Variants in TMOD3 observed in about 807,000 individuals in gnomAD.
TMOD3 encodes the protein tropomodulin 3, also known as tropomodulin-3.
A neutral mutation model predicts 39.2 loss-of-function variants in TMOD3; 20 were observed. The observed-to-expected ratio is 0.51, with a 90% CI of 0.36 to 0.74. The LOEUF (loss-of-function observed/expected upper bound fraction) is 0.74, where lower values mean the gene tolerates loss of function less well. Among genes scored for constraint, TMOD3 ranks in the 30% least tolerant of loss-of-function variants. The pLI, the probability that TMOD3 is intolerant of heterozygous loss-of-function variation, is 0.00. For missense variants in TMOD3, 381 were observed against 412.8 expected, an observed-to-expected ratio of 0.92 and a Z score of 0.67; for synonymous variants, 143 against 145.8, an observed-to-expected ratio of 0.98 and a Z score of 0.14.
At chr15:51,861,658 T>C (rs1261101859) in intron 1 of TMOD3, among the ~76,000 whole-genome samples, 1 of 113,724 alleles carries the variant, frequency 8.8e-6, no homozygotes, top group African/African-American at 3.7e-5. Context: ...TACTAGGTAC[T>C]TTTTTTTTTT....
At chr15:51,887,876 G>C (rs538783233) in intron 4 of TMOD3, among the ~76,000 whole-genome samples, 165 bp downstream of exon 4, 23 of 152,298 alleles carry the variant, frequency 1.5e-4, no homozygotes, top group African/African-American at 5.5e-4. Flanking sequence ...CTGACGTAAA[G>C]AGTTTCATTT....
Position 51,913,369 on chromosome 15 carries a change from C to T in TMOD3, c.*4559C>T, listed in dbSNP as rs2056720420. On this transcript the variant is annotated 3_prime_UTR_variant, in exon 10 of 10. Coordinates refer to ENST00000308580, the MANE Select transcript of TMOD3 (RefSeq NM_014547.5). ...ACTAACATAGTGTTCAAAGGAAATG[C>T]TTATTGGAGCATTTAGAATTTCAGA... The T allele has an allele frequency of 6.6e-6, 1 of 152,154 alleles. No individual in the cohort carries two copies. The allele number at this position is 152,154 out of a possible 1,614,324, so 9.4% of individuals were successfully genotyped here. A position where few individuals can be genotyped will look rare whatever the true frequency, so the allele number is the denominator to read the frequency against.
In TMOD3 at chr15:51,909,571, A is replaced by G. The variant is rs182692247; in HGVS notation, c.*761A>G. On this transcript the variant is annotated 3_prime_UTR_variant, in exon 10 of 10. Coordinates refer to ENST00000308580, the MANE Select transcript of TMOD3 (RefSeq NM_014547.5). ...TTTGTGGAAGCTAATAGTAAAAAAT[A>G]AAAGCTGTTTTCACCACCTCCCTCC... 2 of 152,758 alleles carry G rather than the reference A, an allele frequency of 1.3e-5. No homozygotes were observed. Among genetic ancestry groups the G allele is most frequent in the African/African-American group, 2.4e-5 (1 of 41,578 alleles). The allele number at this position is 152,758 out of a possible 1,614,324, so 9.5% of individuals were successfully genotyped here. A position where few individuals can be genotyped will look rare whatever the true frequency, so the allele number is the denominator to read the frequency against.
At chr15:51,842,601 T>C (rs1173665562) in intron 1 of TMOD3, among the ~76,000 whole-genome samples, 2 of 152,150 alleles carry the variant, frequency 1.3e-5, no homozygotes, top group African/African-American at 4.8e-5. Context: ...GGCATGAGGT[T>C]TTCTACATTT....
chr15:51,890,169 A>ATTTT (rs67190705), intron 5 of TMOD3, among the ~76,000 whole-genome samples: 1 of 140,426 alleles, frequency 7.1e-6, no homozygotes, highest in African/African-American at 2.6e-5. Flanking sequence ...CTATTAGCTA[A>ATTTT]TTTTTTTTTT....
chr15:51,856,541 A>T (rs1439740489), intron 1 of TMOD3, among the ~76,000 whole-genome samples: 1 of 152,152 alleles, frequency 6.6e-6, no homozygotes, highest in African/African-American at 2.4e-5. Context: ...GATAAACTTG[A>T]TAAGACTTGA....
chr15:51,877,262 A>G (rs1334699479), intron 3 of TMOD3, among the ~76,000 whole-genome samples: 1 of 152,078 alleles, frequency 6.6e-6, no homozygotes, highest in African/African-American at 2.4e-5. Flanking sequence ...TTTATTGGGT[A>G]TCAAACATAT....
chr15:51,853,386 G>A (rs1038068168), intron 1 of TMOD3, among the ~76,000 whole-genome samples: 3 of 152,078 alleles, frequency 2.0e-5, no homozygotes, highest in African/African-American at 7.2e-5. Context: ...ATTTTGTAGA[G>A]ATGGGGGTCT....
At position 51,878,001 on chromosome 15, in the gene TMOD3, T is replaced by G. The variant is rs146252247; in HGVS notation, c.283+8628T>G. On this transcript the variant is annotated intron_variant, in intron 3 of 9. Transcript: ENST00000308580. Reference sequence around the variant, plus strand: ...GCACAACTCCTGGGCTCCCTCTCTGTGCAGTTCCCTCCTTTCTGGTTCCCT... The same window carrying G: ...GCACAACTCCTGGGCTCCCTCTCTGGGCAGTTCCCTCCTTTCTGGTTCCCT... Among the ~76,000 whole-genome samples the G allele has an allele frequency of 2.2e-3, 334 of 152,326 alleles. 1 individual carries two copies. The highest frequency in any genetic ancestry group is 7.3e-3 in the African/African-American group (305 of 41,570).
At chr15:51,833,545 C>T (rs901339943) in intron 1 of TMOD3, 1 of 152,240 alleles carries the variant, frequency 6.6e-6, no homozygotes, top group Non-Finnish European at 1.5e-5. Flanking sequence ...GCAATCACTT[C>T]CTGACTCCAT....
intron 9 of TMOD3, among the ~76,000 whole-genome samples, chr15:51,905,661 G>A (rs569359121): frequency 2.0e-5 from 3 of 152,268 alleles, no homozygotes; most frequent in South Asian, 4.1e-4. Context: ...TGCTCTTATT[G>A]CTCTATTAGA....
chr15:51,911,186 C>T lies in TMOD3; in HGVS notation c.*2376C>T, dbSNP rs1474518075. ...ATTAGTTGATAAATAGTTCCCCCTT[C>T]ATCCCTTAAGTTTTGTTTTTGTTTT... On this transcript the variant is annotated 3_prime_UTR_variant, in exon 10 of 10. Coordinates refer to ENST00000308580, the MANE Select transcript of TMOD3 (RefSeq NM_014547.5). 2 of 152,204 alleles carry T rather than the reference C, an allele frequency of 1.3e-5. No homozygotes were observed. Among genetic ancestry groups the T allele is most frequent in the African/African-American group, 2.4e-5 (1 of 41,460 alleles). 9.4% of individuals were successfully genotyped at this position (152,204 alleles called of 1,614,324 possible). A position where few individuals can be genotyped will look rare whatever the true frequency, so the allele number is the denominator to read the frequency against.
chr15:51,836,064 T>C (rs996430710), intron 1 of TMOD3, among the ~76,000 whole-genome samples: 8 of 152,180 alleles, frequency 5.3e-5, no homozygotes, highest in African/African-American at 1.7e-4. Context: ...AGGATTACCT[T>C]TCTGTGGAAA....
chr15:51,905,950 C>CAAAAAAAAAAAA, intron 9 of TMOD3, among the ~76,000 whole-genome samples: 1 of 64,728 alleles, frequency 1.5e-5, no homozygotes, highest in Non-Finnish European at 2.8e-5. Context: ...GACTCCGTCT[C>CAAAAAAAAAAAA]AAAAAAAAAA....
At chr15:51,840,629 T>A (rs962974431) in intron 1 of TMOD3, among the ~76,000 whole-genome samples, 30 of 152,372 alleles carry the variant, frequency 2.0e-4, no homozygotes, top group East Asian at 9.6e-4. Flanking sequence ...ATGTCATTTT[T>A]AAAATAAGAT....
intron 3 of TMOD3, among the ~76,000 whole-genome samples, chr15:51,878,727 C>T (rs1189384790): frequency 6.6e-6 from 1 of 152,120 alleles, no homozygotes; most frequent in Non-Finnish European, 1.5e-5. Flanking sequence ...TAGGCTGTGT[C>T]CCCTCATTCT....
chr15:51,850,335 T>G (rs1468826955), intron 1 of TMOD3, among the ~76,000 whole-genome samples: 2 of 152,084 alleles, frequency 1.3e-5, no homozygotes, highest in Non-Finnish European at 2.9e-5. Flanking sequence ...AGAGGCAGGA[T>G]TGGCCTTAGG....
intron 1 of TMOD3, among the ~76,000 whole-genome samples, chr15:51,839,180 C>CTTTTTTTTTTTTTTTTTTTTTTTTG (rs2056301488): frequency 1.6e-5 from 1 of 61,046 alleles, no homozygotes; most frequent in South Asian, 4.1e-4. Context: ...TTTTTTTTTC[C>CTTTTTTTTTTTTTTTTTTTTTTTTG]ATTTTGTTTG....
chr15:51,864,858 GT>G (rs1566857869), intron 2 of TMOD3, among the ~76,000 whole-genome samples: 1 of 152,136 alleles, frequency 6.6e-6, no homozygotes, highest in East Asian at 1.9e-4. Context: ...GTTGGTTTGC[GT>G]ATGAAAGGTG....
Sources: gnomAD v4.1 joint callset for allele counts (sites outside exome capture counted in the v4.1 genomes callset) on GRCh38, gnomAD v4.1.1 for gene constraint, MANE v1.5 for transcripts, NCBI Gene and HGNC (gene_info 2026-07-23, HGNC 2026-07-21) for gene names.